Variants in EIF5B observed in about 807,000 individuals in gnomAD.
The protein encoded by EIF5B is eIF-5B.
In EIF5B, 47 loss-of-function variants were observed where a neutral mutation model predicts 147.5. The ratio of observed to expected loss-of-function variants is 0.32; its 90% CI spans 0.25 to 0.41. EIF5B has a LOEUF of 0.41. Ranked by LOEUF, EIF5B falls within the 10% of genes least tolerant of loss-of-function variation. EIF5B has a pLI of 1.00. For missense variants in EIF5B, 1,064 were observed against 1,413.2 expected, an observed-to-expected ratio of 0.75 and a Z score of 3.96; for synonymous variants, 455 against 456.2, an observed-to-expected ratio of 1.00 and a Z score of 0.03.
At position 99,390,370 on chromosome 2, in the gene EIF5B, A is replaced by G; in HGVS notation, c.2555A>G (p.His852Arg). 6.2e-7 allele frequency: 1 copy of G among 1,613,296 alleles called. No individual in the cohort carries two copies. Among genetic ancestry groups the G allele is most frequent in the African/African-American group, 1.3e-5 (1 of 74,752 alleles). ...TQTMLSKRLA[H>R]CEELRAQVME... ...ACCATGTTGAGCAAGAGACTTGCACACTGTGAAGAGCTGAGAGCACAGGTG... is the reference window on the plus strand; with the variant it reads ...ACCATGTTGAGCAAGAGACTTGCACGCTGTGAAGAGCTGAGAGCACAGGTG... The change falls in exon 16 of 24, where the codon CAC becomes CGC. Residue 852 changes from histidine to arginine, a missense_variant. Transcript: ENST00000289371.
chr2:99,395,135 T>C (rs1019304715), intron 21 of EIF5B, among the ~76,000 whole-genome samples: 1 of 152,248 alleles, frequency 6.6e-6, no homozygotes, highest in African/African-American at 2.4e-5. Flanking sequence ...GGGTTCGTAG[T>C]TATTAAATGT....
intron 1 of EIF5B, among the ~76,000 whole-genome samples, chr2:99,344,796 T>A (rs558678213): frequency 6.6e-6 from 1 of 152,284 alleles, no homozygotes; most frequent in South Asian, 2.1e-4. Flanking sequence ...TTCAAACACA[T>A]ACAAAAGTAG....
chr2:99,371,708 C>G lies in EIF5B; in HGVS notation c.1530C>G (p.Ala510=). Residue 510 remains alanine (A), a synonymous_variant, in exon 9 of 24, where the codon GCC becomes GCG. Coordinates refer to ENST00000289371, the MANE Select transcript of EIF5B (RefSeq NM_015904.4). The stretch of plus-strand genomic sequence containing the variant: ...GATTGGATGATTGGGAAGCTATGGC[C>G]AGTGATGAGGAGACAGAAAAAGGTG... ...DAGLDDWEAM[A]SDEETEKVEG... is the part of the protein sequence containing the mutation. The G allele has an allele frequency of 1.2e-6, 2 of 1,612,670 alleles. No homozygotes were observed. Among genetic ancestry groups the G allele is most frequent in the Non-Finnish European group, 1.7e-6 (2 of 1,179,334 alleles).
At chr2:99,341,824 A>G (rs2094260226) in intron 1 of EIF5B, among the ~76,000 whole-genome samples, 1 of 152,186 alleles carries the variant, frequency 6.6e-6, no homozygotes, top group South Asian at 2.1e-4. Context: ...GTTTTTGCAA[A>G]CATCTTCACT....
chr2:99,390,485 G>A, intron 16 of EIF5B, 59 bp from the exon 17 acceptor site: 1 of 1,582,820 alleles, frequency 6.3e-7, no homozygotes, highest in South Asian at 1.2e-5. Context: ...ACTACTTTTA[G>A]ATTTAATGAA....
chr2:99,399,171 C>G (rs1184872667), intron 23 of EIF5B, 136 bp from the exon 24 acceptor site: 10 of 874,178 alleles, frequency 1.1e-5, no homozygotes, highest in Non-Finnish European at 1.7e-5. Flanking sequence ...GAATTCTACT[C>G]CCTTAGGCAG....
intron 13 of EIF5B, 118 bp downstream of exon 13, chr2:99,382,344 C>T (rs1253111385): frequency 1.4e-5 from 10 of 717,308 alleles, no homozygotes; most frequent in Non-Finnish European, 2.1e-5. Flanking sequence ...TACCACTCCA[C>T]CTTTGTACCT....
intron 14 of EIF5B, 159 bp from the exon 15 acceptor site, chr2:99,389,559 A>C: frequency 1.9e-6 from 1 of 513,986 alleles, no homozygotes; most frequent in South Asian, 6.2e-5. Context: ...AGGTGCCGAT[A>C]AGCAGTCTGA....
chr2:99,377,570 A>G lies in EIF5B; in HGVS notation c.1842+934A>G, dbSNP rs185794196. On this transcript the variant is annotated intron_variant, in intron 10 of 23. Coordinates refer to ENST00000289371, the MANE Select transcript of EIF5B (RefSeq NM_015904.4). ...ACCTACTCCCACCAGCTCCCTTGCC[A>G]TATACCCATGTTCGAGAGAGTGATG... Among the ~76,000 whole-genome samples the G allele has an allele frequency of 1.4e-3, 217 of 151,852 alleles. 1 individual carries two copies. The highest frequency in any genetic ancestry group is 3.1e-3 in the Admixed American group (47 of 15,208).
intron 1 of EIF5B, among the ~76,000 whole-genome samples, chr2:99,350,138 G>A (rs1440028426): frequency 2.0e-5 from 3 of 152,050 alleles, no homozygotes; most frequent in Admixed American, 6.6e-5. Flanking sequence ...CTTTTTTATG[G>A]ATGAATAGTA....
intron 1 of EIF5B, among the ~76,000 whole-genome samples, chr2:99,348,654 A>G (rs1315979110): frequency 6.6e-6 from 1 of 152,208 alleles, no homozygotes; most frequent in Non-Finnish European, 1.5e-5. Context: ...TACTATTATT[A>G]AGAGTTTTGG....
intron 23 of EIF5B, 174 bp from the exon 24 acceptor site, chr2:99,399,133 C>A: frequency 2.6e-6 from 2 of 764,716 alleles, no homozygotes; most frequent in Non-Finnish European, 4.1e-6. Context: ...TCCCCTCGTG[C>A]CTGACATGCA....
chr2:99,383,139 A>G (rs1674727500), intron 14 of EIF5B, among the ~76,000 whole-genome samples: 1 of 152,046 alleles, frequency 6.6e-6, no homozygotes, highest in South Asian at 2.1e-4. Context: ...AAGCAAGAGT[A>G]TTAAGTCTGT....
chr2:99,395,806 T>A (rs185794291), intron 21 of EIF5B, among the ~76,000 whole-genome samples: 1 of 152,144 alleles, frequency 6.6e-6, no homozygotes, highest in East Asian at 1.9e-4. Flanking sequence ...ATGGGGAGTG[T>A]CCAGAGAGAA....
chr2:99,374,974 T>A (rs187532210), intron 9 of EIF5B, among the ~76,000 whole-genome samples: 3 of 152,154 alleles, frequency 2.0e-5, no homozygotes, highest in African/African-American at 4.8e-5. Flanking sequence ...ATTTTCTCCT[T>A]GGCTCTTTCT....
intron 17 of EIF5B, among the ~76,000 whole-genome samples, chr2:99,391,837 T>G (rs1674943356): frequency 1.3e-5 from 2 of 151,012 alleles, no homozygotes; most frequent in African/African-American, 4.9e-5. Context: ...GTTCAGGTGA[T>G]CCTCCCACCT....
Position 99,401,145 on chromosome 2 carries a change from T to G in EIF5B, c.*1731T>G. The G allele has an allele frequency of 1.5e-6, 1 of 655,898 alleles. No homozygotes were observed. The highest frequency in any genetic ancestry group is 2.5e-6 in the Non-Finnish European group (1 of 398,510). 40.6% of individuals were successfully genotyped at this position (655,898 alleles called of 1,614,324 possible). On this transcript the variant is annotated 3_prime_UTR_variant, in exon 24 of 24. Transcript: ENST00000289371. Reference sequence around the variant, plus strand: ...ACTTGCTTTAAAAGAAATTTAAAATTATAAAAACTCCGAGCATTACTATCA... The same window carrying G: ...ACTTGCTTTAAAAGAAATTTAAAATGATAAAAACTCCGAGCATTACTATCA...
intron 14 of EIF5B, among the ~76,000 whole-genome samples, chr2:99,388,426 T>G (rs886506411): frequency 1.1e-5 from 1 of 93,676 alleles, no homozygotes; most frequent in African/African-American, 5.3e-5. Flanking sequence ...GCAGGGTTTT[T>G]GTTTTTTTGG....
chr2:99,398,735 T>C lies in EIF5B; in HGVS notation c.3394-13T>C, dbSNP rs1263112422. The C allele has an allele frequency of 6.2e-7, 1 of 1,602,204 alleles. No homozygotes were observed. Among genetic ancestry groups the C allele is most frequent in the Non-Finnish European group, 8.5e-7 (1 of 1,175,000 alleles). The stretch of plus-strand genomic sequence containing the variant: ...TTCTTCTGCATGCATTTTAATTTGT[T>C]CTTATTTTATAGTTTGTTGACATCG... On this transcript the variant is annotated splice_polypyrimidine_tract_variant and intron_variant, in intron 22 of 23. Coordinates refer to ENST00000289371, the MANE Select transcript of EIF5B (RefSeq NM_015904.4).
Sources: allele counts gnomAD v4.1 joint callset (sites outside exome capture counted in the v4.1 genomes callset), GRCh38; gene constraint gnomAD v4.1.1; transcripts MANE v1.5; gene names NCBI Gene and HGNC (gene_info 2026-07-23, HGNC 2026-07-21).